SH3RF1: variants seen among roughly 807,000 people sequenced by gnomAD.
SH3RF1 encodes SH3 domain containing ring finger 1, also known as E3 ubiquitin-protein ligase SH3RF1.
In SH3RF1, 32 loss-of-function variants were observed where a neutral mutation model predicts 74.0. The observed-to-expected ratio is 0.43, with a 90% CI of 0.33 to 0.58. The LOEUF is 0.58. Among genes scored for constraint, SH3RF1 ranks in the 20% least tolerant of loss-of-function variants. The probability of loss-of-function intolerance (pLI) is 0.05; values close to 1 mark genes in which losing one functional copy is unlikely to be tolerated. For synonymous variants in SH3RF1, 396 were observed against 439.6 expected (o/e 0.90, Z 1.24); for missense variants, 954 against 1,130.9 (o/e 0.84, Z 2.24).
chr4:169,228,634 A>G (rs143001441), intron 2 of SH3RF1, among the ~76,000 whole-genome samples: 10 of 152,278 alleles, frequency 6.6e-5, no homozygotes, highest in African/African-American at 2.4e-4. Flanking sequence ...TCAGCTGATT[A>G]GCAACCTTAA....
chr4:169,148,091 G>T (rs1310428304), intron 4 of SH3RF1, among the ~76,000 whole-genome samples: 1 of 152,172 alleles, frequency 6.6e-6, no homozygotes, highest in Non-Finnish European at 1.5e-5. Context: ...CCTTTTAGGT[G>T]TGAGAAAATG....
chr4:169,241,230 AAAATAAAT>A (rs979646578), intron 2 of SH3RF1, among the ~76,000 whole-genome samples: 1 of 152,212 alleles, frequency 6.6e-6, no homozygotes, highest in Non-Finnish European at 1.5e-5. Context: ...ACTCCGTCTC[AAAATAAAT>A]AAATAAATAA....
intron 2 of SH3RF1, among the ~76,000 whole-genome samples, chr4:169,175,422 C>T (rs1409860645): frequency 6.6e-6 from 1 of 151,230 alleles, no homozygotes; most frequent in African/African-American, 2.4e-5. Flanking sequence ...CTACATCCTA[C>T]TCCTGCTACA....
At chr4:169,187,361 T>G (rs536858354) in intron 2 of SH3RF1, among the ~76,000 whole-genome samples, 1 of 152,198 alleles carries the variant, frequency 6.6e-6, no homozygotes, top group South Asian at 2.1e-4. Context: ...CTTGGCTAAT[T>G]TTTTAACTTT....
chr4:169,121,853 C>G lies in SH3RF1; in HGVS notation c.1346+247G>C, dbSNP rs549628856. On this transcript the variant is annotated intron_variant, in intron 7 of 11. Coordinates refer to ENST00000284637, the MANE Select transcript of SH3RF1 (RefSeq NM_020870.4). ...TGAAAATAAAGATAAAAAGTTCAAACAGGAGTTGTACAAAAGAGGCAGTTT... is the reference window on the plus strand; with the variant it reads ...TGAAAATAAAGATAAAAAGTTCAAAGAGGAGTTGTACAAAAGAGGCAGTTT... Among the ~76,000 whole-genome samples the G allele has an allele frequency of 2.4e-4, 36 of 152,286 alleles. No individual in the cohort carries two copies. In the South Asian group the frequency reaches 6.6e-3, roughly 28 times the overall value.
intron 10 of SH3RF1, among the ~76,000 whole-genome samples, chr4:169,112,632 C>T (rs1733260683): frequency 6.6e-6 from 1 of 152,152 alleles, no homozygotes; most frequent in African/African-American, 2.4e-5. Context: ...TCCCAGGGAG[C>T]AGCCTAATGG....
chr4:169,195,186 A>G (rs891979988), intron 2 of SH3RF1, among the ~76,000 whole-genome samples: 1 of 152,180 alleles, frequency 6.6e-6, no homozygotes, highest in African/African-American at 2.4e-5. Flanking sequence ...GTTGTTGGGT[A>G]TAGAACTCCA....
chr4:169,152,241 C>T lies in SH3RF1; in HGVS notation c.765+3239G>A, dbSNP rs9997876. On this transcript the variant is annotated intron_variant, in intron 4 of 11. Coordinates refer to ENST00000284637, the MANE Select transcript of SH3RF1 (RefSeq NM_020870.4). ...CCAAAGAGAGGTCTGAAAGAATCTC[C>T]GGAGGGGAAGGGTGAATGTGATCAA... 5.8e-3 allele frequency among the ~76,000 whole-genome samples: 886 copies of T among 152,154 alleles called. 9 individuals carry two copies. The highest frequency in any genetic ancestry group is 0.02 in the African/African-American group (843 of 41,514).
At chr4:169,122,406 A>C (rs2126946823) in intron 6 of SH3RF1, 140 bp from the exon 7 acceptor site, 1 of 963,688 alleles carries the variant, frequency 1.0e-6, no homozygotes, top group Non-Finnish European at 1.5e-6. Context: ...GGGCAGAATC[A>C]GCAGGCTAAC....
Position 169,120,924 on chromosome 4 carries a change from A to G in SH3RF1, c.1412T>C (p.Met471Thr), listed in dbSNP as rs750094489. 3.1e-6 allele frequency: 5 copies of G among 1,614,146 alleles called. No homozygotes were observed. The highest frequency in any genetic ancestry group is 4.2e-6 in the Non-Finnish European group (5 of 1,180,000). The part of the protein sequence containing the change: ...EDELELRKGE[M>T]FLVFERCQDG... ...CTGGCAGCGCTCAAACACTAAAAAC[A>G]TCTCCCCTTTTCTCAGCTCTAGTTC... is the stretch of plus-strand genomic sequence containing the variant. The change falls in exon 8 of 12, where the codon ATG (methionine) becomes ACG (threonine). Residue 471 changes from methionine to threonine, a missense_variant. Coordinates refer to ENST00000284637, the MANE Select transcript of SH3RF1 (RefSeq NM_020870.4).
intron 2 of SH3RF1, among the ~76,000 whole-genome samples, chr4:169,186,850 CAAAA>C (rs759258833): frequency 7.6e-6 from 1 of 131,832 alleles, no homozygotes; most frequent in Non-Finnish European, 1.6e-5. Context: ...ACTAAAAATA[CAAAA>C]AAAAAAAAAA....
At chr4:169,141,337 A>G (rs112634154) in intron 4 of SH3RF1, among the ~76,000 whole-genome samples, 2 of 152,182 alleles carry the variant, frequency 1.3e-5, no homozygotes, top group African/African-American at 2.4e-5. Flanking sequence ...TTGCATATCA[A>G]TAGGGATAGG....
At chr4:169,179,718 A>G (rs1734476696) in intron 2 of SH3RF1, among the ~76,000 whole-genome samples, 1 of 152,234 alleles carries the variant, frequency 6.6e-6, no homozygotes, top group Non-Finnish European at 1.5e-5. Flanking sequence ...AGTAAGTTCA[A>G]TTTCACTGTT....
At chr4:169,160,693 G>C (rs1018976860) in intron 2 of SH3RF1, among the ~76,000 whole-genome samples, 2 of 152,150 alleles carry the variant, frequency 1.3e-5, no homozygotes, top group Non-Finnish European at 2.9e-5. Context: ...TTTCTAAAAA[G>C]AAGGCTTCCC....
At chr4:169,169,340 T>C (rs181370610) in intron 2 of SH3RF1, among the ~76,000 whole-genome samples, 1 of 152,298 alleles carries the variant, frequency 6.6e-6, no homozygotes, top group African/African-American at 2.4e-5. Context: ...CTCACACCTG[T>C]AATCCCAGCA....
At chr4:169,166,012 AG>A (rs1734236270) in intron 2 of SH3RF1, among the ~76,000 whole-genome samples, 1 of 152,170 alleles carries the variant, frequency 6.6e-6, no homozygotes, top group South Asian at 2.1e-4. Context: ...TAAGTTTTAT[AG>A]GGGAAACAAG....
At chr4:169,143,181 C>A (rs923913545) in intron 4 of SH3RF1, among the ~76,000 whole-genome samples, 22 of 152,074 alleles carry the variant, frequency 1.4e-4, no homozygotes, top group Admixed American at 1.2e-3. Flanking sequence ...ATAATATGAG[C>A]CACACTTGGA....
chr4:169,242,518 A>C (rs991226575), intron 2 of SH3RF1, among the ~76,000 whole-genome samples: 9 of 152,162 alleles, frequency 5.9e-5, no homozygotes, highest in Non-Finnish European at 1.5e-5. Flanking sequence ...TGAAATGAAA[A>C]TTTCTGGGTC....
At chr4:169,126,796 G>C (rs1232443931) in intron 6 of SH3RF1, among the ~76,000 whole-genome samples, 3 of 151,814 alleles carry the variant, frequency 2.0e-5, no homozygotes, top group Non-Finnish European at 4.4e-5. Context: ...TTTCTATGTT[G>C]CCCATGCTGG....
Sources: gnomAD v4.1 joint callset for allele counts (sites outside exome capture counted in the v4.1 genomes callset) on GRCh38, gnomAD v4.1.1 for gene constraint, MANE v1.5 for transcripts, NCBI Gene and HGNC (gene_info 2026-07-23, HGNC 2026-07-21) for gene names.